The following ADAM30 variants were observed in gnomAD, a reference collection of about 807,000 sequenced individuals.
ADAM30 encodes the protein ADAM metallopeptidase domain 30.
For synonymous variants in ADAM30, 382 were observed against 340.9 expected (o/e 1.12, Z -1.33); for missense variants, 960 against 959.4 (o/e 1.00, Z -0.01).
Position 119,896,377 on chromosome 1 carries a change from T to C in ADAM30, c.-41A>G. 1 of 1,496,484 alleles carries C rather than the reference T, an allele frequency of 6.7e-7. No individual in the cohort carries two copies. Among genetic ancestry groups the C allele is most frequent in the African/African-American group, 1.4e-5 (1 of 71,442 alleles). 92.7% of individuals were successfully genotyped at this position (1,496,484 alleles called of 1,614,324 possible). A position where few individuals can be genotyped will look rare whatever the true frequency, so the allele number is the denominator to read the frequency against. ...CAGCCTCAGTTTGCTATTCAGTCCC[T>C]GCAACTCTGGCCTCGCGAGTCAGAT... is the stretch of plus-strand genomic sequence containing the variant. On this transcript the variant is annotated 5_prime_UTR_variant, in exon 1 of 1. Coordinates refer to ENST00000369400, the MANE Select transcript of ADAM30 (RefSeq NM_021794.4).
In ADAM30 at chr1:119,894,309, T is replaced by A. The variant is rs1486019714; in HGVS notation, c.2028A>T (p.Gly676=). 1 of 1,614,178 alleles carries A rather than the reference T, an allele frequency of 6.2e-7. No homozygotes were observed. Among genetic ancestry groups the A allele is most frequent in the Non-Finnish European group, 8.5e-7 (1 of 1,180,028 alleles). Residue 676 remains glycine (G), a synonymous_variant, in exon 1 of 1, where the codon GGA becomes GGT. Transcript: ENST00000369400. Reference sequence around the variant, plus strand: ...ACGAGGGAATCGCCCCTCTGAGCAGTCCTGGAGGCCCACTGTCAATGCTTC... The same window carrying A: ...ACGAGGGAATCGCCCCTCTGAGCAGACCTGGAGGCCCACTGTCAATGCTTC... ...YGGSIDSGPP[G]LLRGAIPSSI...
Position 119,896,099 on chromosome 1 carries a change from T to C in ADAM30, c.238A>G (p.Lys80Glu), listed in dbSNP as rs1298510649. The change falls in exon 1 of 1, where the codon AAG (lysine) becomes GAG (glutamate). Residue 80 changes from lysine (K) to glutamate (E), a missense_variant. Transcript: ENST00000369400. ...AGATGTCGGGGCAACAGAAGTCTCT[T>C]GGGCCACAAATGGAGGACGTGCTTC... The part of the protein sequence containing the change: ...GKKHVLHLWP[K>E]RLLLPRHLRV... The C allele has an allele frequency of 1.2e-6, 2 of 1,614,132 alleles. No homozygotes were observed. The highest frequency in any genetic ancestry group is 1.7e-5 in the Admixed American group (1 of 60,016).
In ADAM30 at chr1:119,894,458, A is replaced by G; in HGVS notation, c.1879T>C (p.Ser627Pro). 6.2e-7 allele frequency: 1 copy of G among 1,614,134 alleles called. No homozygotes were observed. Among genetic ancestry groups the G allele is most frequent in the Non-Finnish European group, 8.5e-7 (1 of 1,180,034 alleles). ...VCFKKNCVNSSVLQFDCLPEK... is the reference protein window; with the variant it reads ...VCFKKNCVNSPVLQFDCLPEK... ...GGCAAACAGTCAAACTGCAGGACTG[A>G]GCTATTGACGCAATTTTTTTTAAAA... The change falls in exon 1 of 1, where the codon TCA becomes CCA. Residue 627 changes from serine to proline, a missense_variant. By Grantham distance (74) the Ser-to-Pro change is moderately conservative (BLOSUM62 -1). Coordinates refer to ENST00000369400, the MANE Select transcript of ADAM30 (RefSeq NM_021794.4).
rs781732966 is a variant in ADAM30, at chr1:119,894,310, C to T, written c.2027G>A (p.Gly676Glu). 9.3e-6 allele frequency: 15 copies of T among 1,614,052 alleles called. No individual in the cohort carries two copies. Among genetic ancestry groups the T allele is most frequent in the Non-Finnish European group, 1.3e-5 (15 of 1,180,036 alleles). ...CGAGGGAATCGCCCCTCTGAGCAGT[C>T]CTGGAGGCCCACTGTCAATGCTTCC... The part of the protein sequence containing the change: ...YGGSIDSGPP[G>E]LLRGAIPSSI... The change falls in exon 1 of 1, where the codon GGA becomes GAA. Residue 676 changes from glycine to glutamate, a missense_variant. By Grantham distance (98) the Gly-to-Glu change is moderately conservative. Transcript: ENST00000369400.
chr1:119,893,828 T>C lies in ADAM30; in HGVS notation c.*136A>G, dbSNP rs1373399721. 1.1e-5 allele frequency: 16 copies of C among 1,481,432 alleles called. No homozygotes were observed. The highest frequency in any genetic ancestry group is 1.3e-5 in the Non-Finnish European group (15 of 1,117,780). The allele number at this position is 1,481,432 out of a possible 1,614,324, so 91.8% of individuals were successfully genotyped here. ...TGGTTTGTTTCCAAAACAAGAATGCTGTTTATTTGCTGATCAAAACTTGTG... is the reference window on the plus strand; with the variant it reads ...TGGTTTGTTTCCAAAACAAGAATGCCGTTTATTTGCTGATCAAAACTTGTG... On this transcript the variant is annotated 3_prime_UTR_variant, in exon 1 of 1. Transcript: ENST00000369400.
chr1:119,896,049 A>C lies in ADAM30; in HGVS notation c.288T>G (p.His96Gln). 1.9e-6 allele frequency: 3 copies of C among 1,614,130 alleles called. No homozygotes were observed. Among genetic ancestry groups the C allele is most frequent in the Non-Finnish European group, 2.5e-6 (3 of 1,180,022 alleles). ...AAGGATGATCCTCCAGCAGTTCCCC[A>C]TGTTCTGTGAAGGAGAAAACGCGCA... ...RHLRVFSFTE[H>Q]GELLEDHPYI... Residue 96 changes from histidine (H) to glutamine (Q), a missense_variant, in exon 1 of 1, where the codon CAT (histidine) becomes CAG (glutamine). Transcript: ENST00000369400.
In ADAM30 at chr1:119,893,786, C is replaced by T. The variant is rs969160689; in HGVS notation, c.*178G>A. On this transcript the variant is annotated 3_prime_UTR_variant, in exon 1 of 1. Transcript: ENST00000369400. ...ACAAACTGAGGGGCAAGTGAACACT[C>T]GAGAAGTAGAATGCACTGGTTTGTT... The T allele has an allele frequency of 1.5e-5, 20 of 1,292,302 alleles. No individual in the cohort carries two copies. The highest frequency in any genetic ancestry group is 1.9e-5 in the Non-Finnish European group (18 of 969,572). 80.1% of individuals were successfully genotyped at this position (1,292,302 alleles called of 1,614,324 possible).
rs141980320 is a variant in ADAM30 at position 119,894,583 on chromosome 1, A to G, written c.1754T>C (p.Met585Thr). 1.6e-5 allele frequency: 26 copies of G among 1,614,062 alleles called. No homozygotes were observed. Among genetic ancestry groups the G allele is most frequent in the African/African-American group, 5.3e-5 (4 of 74,950 alleles). ...ISTHLQAENL[M>T]CWGTGYHLSM... ...TAGATGATAGCCTGTGCCCCAGCAC[A>G]TGAGATTTTCTGCCTGTAAATGAGT... The change falls in exon 1 of 1, where the codon ATG becomes ACG. Residue 585 changes from methionine (M) to threonine (T), a missense_variant. Coordinates refer to ENST00000369400, the MANE Select transcript of ADAM30 (RefSeq NM_021794.4).
rs1571136462 is a variant in ADAM30 at position 119,895,854 on chromosome 1, G to A, written c.483C>T (p.Leu161=). ...ASPSFEHVVY[L]LKKEQFGNQV... is the part of the protein sequence containing the mutation. ...GATTCCCAAACTGCTCTTTCTTCAG[G>A]AGATAGACGACATGTTCAAAACTGG... The change falls in exon 1 of 1, where the codon CTC becomes CTT. Residue 161 remains leucine, a synonymous_variant. Coordinates refer to ENST00000369400, the MANE Select transcript of ADAM30 (RefSeq NM_021794.4). 3 of 1,614,114 alleles carry A rather than the reference G, an allele frequency of 1.9e-6. No homozygotes were observed. The East Asian group carries it at 6.7e-5, about 36-fold the overall frequency.
Position 119,894,279 on chromosome 1 carries a change from A to G in ADAM30, c.2058T>C (p.Ile686=). The G allele has an allele frequency of 6.2e-7, 1 of 1,614,170 alleles. No homozygotes were observed. The highest frequency in any genetic ancestry group is 8.5e-7 in the Non-Finnish European group (1 of 1,180,028). The change falls in exon 1 of 1, where the codon ATT becomes ATC. Residue 686 remains isoleucine (I), a synonymous_variant. Coordinates refer to ENST00000369400, the MANE Select transcript of ADAM30 (RefSeq NM_021794.4). ...GLLRGAIPSS[I]WVVSIIMFRL... is the part of the protein sequence containing the mutation. ...GAAACATTATGATGGACACAACCCA[A>G]ATTGACGAGGGAATCGCCCCTCTGA...
Position 119,894,644 on chromosome 1 carries a change from T to C in ADAM30, c.1693A>G (p.Ile565Val), listed in dbSNP as rs1321532727. 1.9e-6 allele frequency: 3 copies of C among 1,614,036 alleles called. No homozygotes were observed. The highest frequency in any genetic ancestry group is 1.3e-5 in the African/African-American group (1 of 74,928). The change falls in exon 1 of 1, where the codon ATC becomes GTC. Residue 565 changes from isoleucine to valine, a missense_variant. Transcript: ENST00000369400. The stretch of plus-strand genomic sequence containing the variant: ...GTCGTATGCTCTGGCAAATCAGGGA[T>C]GGTTTCAACATTTATACACTGTAGC... ...GRLQCINVETIPDLPEHTTII... is the reference protein window; with the variant it reads ...GRLQCINVETVPDLPEHTTII...
chr1:119,893,769 A>AG lies in ADAM30; in HGVS notation c.*194dup. On this transcript the variant is annotated 3_prime_UTR_variant, in exon 1 of 1. Transcript: ENST00000369400. Reference sequence around the variant, plus strand: ...ATACCCACAACTTGGTCACAAACTGAGGGGCAAGTGAACACTCGAGAAGTA... The same window carrying AG: ...ATACCCACAACTTGGTCACAAACTGAGGGGGCAAGTGAACACTCGAGAAGTA... 1.8e-6 allele frequency: 2 copies of AG among 1,113,960 alleles called. No individual in the cohort carries two copies. The highest frequency in any genetic ancestry group is 3.6e-5 in the South Asian group (2 of 55,724). The allele number at this position is 1,113,960 out of a possible 1,614,324, so 69.0% of individuals were successfully genotyped here.
In ADAM30 at chr1:119,894,048, T is replaced by C. The variant is rs1557794145; in HGVS notation, c.2289A>G (p.Lys763=). 1.2e-6 allele frequency: 2 copies of C among 1,614,122 alleles called. No homozygotes were observed. The highest frequency in any genetic ancestry group is 1.3e-5 in the African/African-American group (1 of 75,040). The part of the protein sequence containing the change: ...SEAKTGQEES[K]AKTGQEESKA... ...TAGATTCTTCCTGTCCAGTTTTTGC[T>C]TTAGATTCTTCCTGTCCAGTTTTTG... Residue 763 remains lysine (K), a synonymous_variant, in exon 1 of 1, where the codon AAA becomes AAG. Coordinates refer to ENST00000369400, the MANE Select transcript of ADAM30 (RefSeq NM_021794.4).
chr1:119,896,452 G>T lies in ADAM30; in HGVS notation c.-116C>A. The T allele has an allele frequency of 1.4e-6, 2 of 1,417,628 alleles. No individual in the cohort carries two copies. Among genetic ancestry groups the T allele is most frequent in the South Asian group, 3.3e-5 (2 of 61,144 alleles). 87.8% of individuals were successfully genotyped at this position (1,417,628 alleles called of 1,614,324 possible). ...CCTGAGCTCAAAACCCGGCTCCCCT[G>T]GCAGGGTTTCCGGGGGAGCCCGTAG... is the stretch of plus-strand genomic sequence containing the variant. On this transcript the variant is annotated 5_prime_UTR_variant, in exon 1 of 1. Transcript: ENST00000369400.
Position 119,893,822 on chromosome 1 carries a change from G to A in ADAM30, c.*142C>T, listed in dbSNP as rs1648490606. 7 of 1,472,142 alleles carry A rather than the reference G, an allele frequency of 4.8e-6. 1 individual carries two copies. The East Asian group carries it at 1.6e-4, about 34-fold the overall frequency. 91.2% of individuals were successfully genotyped at this position (1,472,142 alleles called of 1,614,324 possible). A position where few individuals can be genotyped will look rare whatever the true frequency, so the allele number is the denominator to read the frequency against. ...ATGCACTGGTTTGTTTCCAAAACAA[G>A]AATGCTGTTTATTTGCTGATCAAAA... On this transcript the variant is annotated 3_prime_UTR_variant, in exon 1 of 1. Transcript: ENST00000369400.
Position 119,895,305 on chromosome 1 carries a change from T to C in ADAM30, c.1032A>G (p.Val344=), listed in dbSNP as rs1557795081. The change falls in exon 1 of 1, where the codon GTA becomes GTG. Residue 344 remains valine, a synonymous_variant. Coordinates refer to ENST00000369400, the MANE Select transcript of ADAM30 (RefSeq NM_021794.4). ...TWSAHELGHA[V]GMSHDEQYCQ... is the part of the protein sequence containing the mutation. Reference sequence around the variant, plus strand: ...AGTATTGTTCATCATGTGACATTCCTACAGCATGACCCAGCTCATGAGCAG... The same window carrying C: ...AGTATTGTTCATCATGTGACATTCCCACAGCATGACCCAGCTCATGAGCAG... 6.2e-7 allele frequency: 1 copy of C among 1,614,140 alleles called. No individual in the cohort carries two copies. The highest frequency in any genetic ancestry group is 1.7e-5 in the Admixed American group (1 of 60,008).
At position 119,895,624 on chromosome 1, in the gene ADAM30, T is replaced by C. The variant is rs376240673; in HGVS notation, c.713A>G (p.Asp238Gly). 6.2e-6 allele frequency: 10 copies of C among 1,613,958 alleles called. No homozygotes were observed. The highest frequency in any genetic ancestry group is 1.6e-4 in the Middle Eastern group (1 of 6,084). ...CATACGAACATCTTGAAAGTAGGTG[T>C]CCATAATCCCAGTCAAAAGAATGGC... ...HDAILLTGIM[D>G]TYFQDVRMRI... The change falls in exon 1 of 1, where the codon GAC becomes GGC. Residue 238 changes from aspartate (D) to glycine (G), a missense_variant. Transcript: ENST00000369400.
rs1451357129 is a variant in ADAM30, at chr1:119,895,989, C to G, written c.348G>C (p.Val116=). The change falls in exon 1 of 1, where the codon GTG becomes GTC. Residue 116 remains valine (V), a synonymous_variant. Coordinates refer to ENST00000369400, the MANE Select transcript of ADAM30 (RefSeq NM_021794.4). ...TAGCTTTAGAGTCCAGAGACTCTTT[C>G]ACGGAGCCCATGTAGTTGCAGTCCT... ...IPKDCNYMGS[V]KESLDSKATI... The G allele has an allele frequency of 6.2e-7, 1 of 1,614,068 alleles. No homozygotes were observed. Among genetic ancestry groups the G allele is most frequent in the African/African-American group, 1.3e-5 (1 of 74,920 alleles).
Position 119,896,119 on chromosome 1 carries a change from T to C in ADAM30, c.218A>G (p.His73Arg). The change falls in exon 1 of 1, where the codon CAC becomes CGC. Residue 73 changes from histidine to arginine, a missense_variant. Coordinates refer to ENST00000369400, the MANE Select transcript of ADAM30 (RefSeq NM_021794.4). Reference sequence around the variant, plus strand: ...TCTCTTGGGCCACAAATGGAGGACGTGCTTCTTGCCTTTTAACTGCAGTAG... The same window carrying C: ...TCTCTTGGGCCACAAATGGAGGACGCGCTTCTTGCCTTTTAACTGCAGTAG... ...SYLLQLKGKK[H>R]VLHLWPKRLL... 6.2e-7 allele frequency: 1 copy of C among 1,614,124 alleles called. No individual in the cohort carries two copies. Among genetic ancestry groups the C allele is most frequent in the Non-Finnish European group, 8.5e-7 (1 of 1,180,010 alleles).
Sources: gnomAD v4.1 joint callset for allele counts on GRCh38, gnomAD v4.1.1 for gene constraint, MANE v1.5 for transcripts, NCBI Gene and HGNC (gene_info 2026-07-23, HGNC 2026-07-21) for gene names.